The following PCDHGA3 variants were observed in gnomAD, a reference collection of about 807,000 sequenced individuals.
PCDHGA3 encodes the protein protocadherin gamma subfamily A, 3, also known as protocadherin gamma-A3.
PCDHGA3 carries 40 observed loss-of-function variants against 58.5 expected under a neutral mutation model. The ratio of observed to expected loss-of-function variants is 0.68; its 90% CI spans 0.53 to 0.89. The LOEUF is 0.89. PCDHGA3 is among the 40% of genes least tolerant of loss of function. The pLI, the probability that PCDHGA3 is intolerant of heterozygous loss-of-function variation, is 0.00. For synonymous variants in PCDHGA3, 530 were observed against 525.7 expected, an observed-to-expected ratio of 1.01 and a Z score of -0.11; for missense variants, 1,223 against 1,195.9, an observed-to-expected ratio of 1.02 and a Z score of -0.33.
At position 141,398,766 on chromosome 5, in the gene PCDHGA3, T is replaced by A. The variant is rs775055352; in HGVS notation, c.2424+52309T>A. On this transcript the variant is annotated intron_variant, in intron 1 of 3. Coordinates refer to ENST00000253812, the MANE Select transcript of PCDHGA3 (RefSeq NM_018916.4). ...AGAGTTACCATCGTTTAGTCCTGACTGCCTTGGACGGTGGACATCCACCCC... is the reference window on the plus strand; with the variant it reads ...AGAGTTACCATCGTTTAGTCCTGACAGCCTTGGACGGTGGACATCCACCCC... 2.1e-5 allele frequency: 34 copies of A among 1,613,844 alleles called. 1 individual carries two copies. In the South Asian group the frequency reaches 3.1e-4, roughly 15 times the overall value.
chr5:141,366,291 T>A, intron 1 of PCDHGA3: 1 of 1,613,746 alleles, frequency 6.2e-7, no homozygotes, highest in Non-Finnish European at 8.5e-7. Context: ...CAGCCCCCTC[T>A]GTCAGCCACC....
At chr5:141,396,119 A>T (rs1190344282) in intron 1 of PCDHGA3, 1 of 152,250 alleles carries the variant, frequency 6.6e-6, no homozygotes, top group Non-Finnish European at 1.5e-5. Flanking sequence ...CCAATGTTTC[A>T]GGTACACAAG....
intron 1 of PCDHGA3, chr5:141,361,656 G>A: frequency 1.2e-6 from 2 of 1,613,748 alleles, no homozygotes; most frequent in Non-Finnish European, 1.7e-6. Context: ...ACGTGTCCGT[G>A]AGCGCGCAGA....
intron 1 of PCDHGA3, chr5:141,418,387 G>C (rs1172239604): frequency 1.9e-6 from 3 of 1,613,884 alleles, no homozygotes; most frequent in Non-Finnish European, 2.5e-6. Flanking sequence ...GTCCTAACGA[G>C]TATTTCTCAT....
Position 141,491,498 on chromosome 5 carries a change from C to G in PCDHGA3, c.2425-3309C>G. Reference sequence around the variant, plus strand: ...TCCAGCCCCAACCTGCAGGTGAGCTCGGACGGCACGCTCAAGTACATGGAG... The same window carrying G: ...TCCAGCCCCAACCTGCAGGTGAGCTGGGACGGCACGCTCAAGTACATGGAG... On this transcript the variant is annotated intron_variant, in intron 1 of 3. Transcript: ENST00000253812. The surrounding 1 kb of genome is among the most constrained non-coding windows in gnomAD (Gnocchi z 6.9). The G allele has an allele frequency of 6.2e-7, 1 of 1,614,102 alleles. No homozygotes were observed. Among genetic ancestry groups the G allele is most frequent in the Non-Finnish European group, 8.5e-7 (1 of 1,180,018 alleles).
In PCDHGA3 at chr5:141,372,102, G is replaced by A. The variant is rs200898659; in HGVS notation, c.2424+25645G>A. The stretch of plus-strand genomic sequence containing the variant: ...GGTGCTGTACCCAGCTCTGGGGCCC[G>A]AAGGCTCTGCGCTCTTCGATATGGT... On this transcript the variant is annotated intron_variant, in intron 1 of 3. Coordinates refer to ENST00000253812, the MANE Select transcript of PCDHGA3 (RefSeq NM_018916.4). 5.0e-5 allele frequency: 81 copies of A among 1,613,784 alleles called. No homozygotes were observed. The African/African-American group carries it at 1.0e-3, about 20-fold the overall frequency.
intron 1 of PCDHGA3, among the ~76,000 whole-genome samples, chr5:141,482,988 G>A (rs982148755): frequency 2.6e-5 from 4 of 152,112 alleles, no homozygotes; most frequent in South Asian, 2.1e-4. Context: ...GAGAGGTCGA[G>A]GCAGGAGAAT....
intron 1 of PCDHGA3, chr5:141,379,437 A>G (rs1344530566): frequency 6.6e-6 from 1 of 152,252 alleles, no homozygotes; most frequent in Non-Finnish European, 1.5e-5. Context: ...GGGCTGTTAT[A>G]CATATGATTA....
At chr5:141,421,762 T>G (rs1272315856) in intron 1 of PCDHGA3, 2 of 1,613,884 alleles carry the variant, frequency 1.2e-6, no homozygotes, top group Non-Finnish European at 8.5e-7. Context: ...TAATAATTAC[T>G]TTTCCTTGCA....
At chr5:141,369,990 A>G (rs773924073) in intron 1 of PCDHGA3, among the ~76,000 whole-genome samples, 2 of 152,236 alleles carry the variant, frequency 1.3e-5, no homozygotes, top group Non-Finnish European at 2.9e-5. Context: ...TTGGATGGAT[A>G]AAGCTCAAAT....
intron 1 of PCDHGA3, chr5:141,416,261 A>G (rs2096009073): frequency 6.6e-6 from 1 of 152,294 alleles, no homozygotes; most frequent in Non-Finnish European, 1.5e-5. Flanking sequence ...ACACTGCAGT[A>G]TCCTTTTTGC....
At position 141,431,274 on chromosome 5, in the gene PCDHGA3, TC is replaced by T. The variant is rs767658803; in HGVS notation, c.2425-63532del. On this transcript the variant is annotated intron_variant, in intron 1 of 3. Transcript: ENST00000253812. The surrounding 1 kb of genome is among the most constrained non-coding windows in gnomAD (Gnocchi z 4.8). ...AAGAACTCTCTGCAGAGCTACGAGC[TC>T]AGCCCGAACACTCACTTCTCCCTCA... 6 of 1,614,128 alleles carry T rather than the reference TC, an allele frequency of 3.7e-6. No homozygotes were observed. Among genetic ancestry groups the T allele is most frequent in the Non-Finnish European group, 5.1e-6 (6 of 1,180,024 alleles).
At chr5:141,360,531 A>C in intron 1 of PCDHGA3, 2 of 1,613,990 alleles carry the variant, frequency 1.2e-6, no homozygotes, top group Non-Finnish European at 1.7e-6. Flanking sequence ...ATACCCCGCT[A>C]TTCAAACAGA....
intron 3 of PCDHGA3, among the ~76,000 whole-genome samples, chr5:141,509,109 G>A (rs893509101): frequency 5.3e-5 from 8 of 152,240 alleles, no homozygotes; most frequent in African/African-American, 1.9e-4. Flanking sequence ...AAACCTGAGC[G>A]CTGGTGCGTG....
At chr5:141,401,478 T>A (rs2094159554) in intron 1 of PCDHGA3, among the ~76,000 whole-genome samples, 1 of 152,186 alleles carries the variant, frequency 6.6e-6, no homozygotes. Flanking sequence ...TTTATCCAGG[T>A]TTTCTTGGAT....
At position 141,486,641 on chromosome 5, in the gene PCDHGA3, A is replaced by C; in HGVS notation, c.2425-8166A>C. On this transcript the variant is annotated intron_variant, in intron 1 of 3. Transcript: ENST00000253812. The surrounding 1 kb of genome is among the most constrained non-coding windows in gnomAD (Gnocchi z 5.0). ...CCCAGACTCTGGCTTGAATGCGCTTATCTCCTACTCACTCCTGGAGCCCAG... is the reference window on the plus strand; with the variant it reads ...CCCAGACTCTGGCTTGAATGCGCTTCTCTCCTACTCACTCCTGGAGCCCAG... 6.2e-7 allele frequency: 1 copy of C among 1,613,734 alleles called. No individual in the cohort carries two copies. The highest frequency in any genetic ancestry group is 1.6e-4 in the Middle Eastern group (1 of 6,062).
chr5:141,415,915 TGC>T, intron 1 of PCDHGA3: 1 of 724,854 alleles, frequency 1.4e-6, no homozygotes, highest in Non-Finnish European at 1.9e-6. Flanking sequence ...CATACAGAAG[TGC>T]CTGTCAATTT....
Position 141,431,614 on chromosome 5 carries a change from C to G in PCDHGA3, c.2425-63193C>G. ...TGAGGTATTCCTTCCGGTATGTGGACGACAAGGCGGCCCAAGTTTTCAAAC... is the reference window on the plus strand; with the variant it reads ...TGAGGTATTCCTTCCGGTATGTGGAGGACAAGGCGGCCCAAGTTTTCAAAC... On this transcript the variant is annotated intron_variant, in intron 1 of 3. Coordinates refer to ENST00000253812, the MANE Select transcript of PCDHGA3 (RefSeq NM_018916.4). This position sits in a 1 kb window ranked among gnomAD's most constrained non-coding sequence, Gnocchi z 4.8. 6.2e-7 allele frequency: 1 copy of G among 1,614,206 alleles called. No homozygotes were observed. The highest frequency in any genetic ancestry group is 1.1e-5 in the South Asian group (1 of 91,092).
intron 1 of PCDHGA3, chr5:141,384,370 T>C (rs769961814): frequency 1.9e-6 from 3 of 1,613,926 alleles, no homozygotes; most frequent in South Asian, 2.2e-5. Context: ...CACTTATTCC[T>C]TGGCCGAAGA....
Sources: gnomAD v4.1 joint callset for allele counts (sites outside exome capture counted in the v4.1 genomes callset) on GRCh38, gnomAD v4.1.1 for gene constraint, Gnocchi (gnomAD v3.1) non-coding constraint, MANE v1.5 for transcripts, NCBI Gene and HGNC (gene_info 2026-07-23, HGNC 2026-07-21) for gene names.